ARID1B: variants seen among roughly 807,000 people sequenced by gnomAD.
ARID1B encodes AT-rich interaction domain 1B, also known as AT-rich interactive domain-containing protein 1B.
ARID1B carries 30 observed loss-of-function variants against 212.3 expected under a neutral mutation model. The ratio of observed to expected loss-of-function variants is 0.14; its 90% CI spans 0.11 to 0.19. ARID1B has a LOEUF of 0.19. Ranked by LOEUF, ARID1B falls within the 10% of genes least tolerant of loss-of-function variation. The pLI is 1.00. For synonymous variants in ARID1B, 1,402 were observed against 1,301.7 expected, an observed-to-expected ratio of 1.08 and a Z score of -1.66; for missense variants, 2,891 against 3,204.0, an observed-to-expected ratio of 0.90 and a Z score of 2.36.
intron 9 of ARID1B, chr6:157,168,774 C>T (rs1159425180): frequency 6.6e-6 from 1 of 152,190 alleles, no homozygotes; most frequent in African/African-American, 2.4e-5. Context: ...TTCGTTATTC[C>T]GTACAGAGGA....
intron 4 of ARID1B, among the ~76,000 whole-genome samples, chr6:157,074,663 A>G (rs1477769063): frequency 6.6e-6 from 1 of 152,208 alleles, no homozygotes; most frequent in Non-Finnish European, 1.5e-5. Flanking sequence ...CAAAGGTATT[A>G]CAGTGCAAAG....
intron 6 of ARID1B, among the ~76,000 whole-genome samples, chr6:157,128,677 A>G (rs145481045): frequency 1.2e-4 from 19 of 152,350 alleles, no homozygotes; most frequent in African/African-American, 4.6e-4. Context: ...CAGGAGCTGT[A>G]CCTGCCAGAT....
Position 157,189,637 on chromosome 6 carries a change from A to T in ARID1B, c.3920-5A>T. 1 of 1,598,904 alleles carries T rather than the reference A, an allele frequency of 6.3e-7. No individual in the cohort carries two copies. Among genetic ancestry groups the T allele is most frequent in the Non-Finnish European group, 8.5e-7 (1 of 1,176,652 alleles). On this transcript the variant is annotated splice_region_variant and splice_polypyrimidine_tract_variant and intron_variant, in intron 13 of 19. Coordinates refer to ENST00000636930, the MANE Select transcript of ARID1B (RefSeq NM_001374828.1). ...TCCTGTTTCTCTTGGTGCTGCTACT[A>T]TCAGCTAACTCGGGATCCTTGCAAG...
intron 5 of ARID1B, among the ~76,000 whole-genome samples, chr6:157,093,767 G>T (rs1172582844): frequency 6.6e-6 from 1 of 152,222 alleles, no homozygotes; most frequent in Non-Finnish European, 1.5e-5. Context: ...AAAGTAGCAT[G>T]TTGCACTTTG....
At chr6:157,104,919 A>G (rs1258504300) in intron 5 of ARID1B, among the ~76,000 whole-genome samples, 1 of 152,234 alleles carries the variant, frequency 6.6e-6, no homozygotes, top group Admixed American at 6.5e-5. Flanking sequence ...AAAACACTGA[A>G]AAAGAAAAGG....
chr6:156,787,841 G>A (rs753745776), intron 1 of ARID1B, among the ~76,000 whole-genome samples: 1 of 152,100 alleles, frequency 6.6e-6, no homozygotes, highest in Non-Finnish European at 1.5e-5. Flanking sequence ...TGGGCTTGGA[G>A]CTGGTCAGAC....
rs950310929 is a variant in ARID1B at position 157,025,927 on chromosome 6, AT to A, written c.2248-58720del. ...TGGCTGTAACATTGTGCTGGAATAG[AT>A]TTTTTTTTTTTTTTGAGGTGGAGTC... On this transcript the variant is annotated intron_variant, in intron 4 of 19. Transcript: ENST00000636930. 5.3e-3 allele frequency among the ~76,000 whole-genome samples: 773 copies of A among 145,496 alleles called. 1 individual carries two copies. Among genetic ancestry groups the A allele is most frequent in the Non-Finnish European group, 5.5e-3 (359 of 65,706 alleles).
At chr6:157,114,130 T>C (rs1787146024) in intron 6 of ARID1B, among the ~76,000 whole-genome samples, 1 of 152,226 alleles carries the variant, frequency 6.6e-6, no homozygotes, top group South Asian at 2.1e-4. Flanking sequence ...AACTTAACTT[T>C]GTTTATACTC....
At chr6:157,078,227 C>T (rs1009831372) in intron 4 of ARID1B, among the ~76,000 whole-genome samples, 2 of 152,124 alleles carry the variant, frequency 1.3e-5, no homozygotes, top group Admixed American at 6.5e-5. Context: ...AGCACTTAGA[C>T]GGCCCTTGAT....
intron 4 of ARID1B, among the ~76,000 whole-genome samples, chr6:157,011,598 G>A (rs539675412): frequency 1.3e-5 from 2 of 152,250 alleles, no homozygotes; most frequent in African/African-American, 2.4e-5. Flanking sequence ...TATGAACCAC[G>A]GTCCATGAAC....
intron 2 of ARID1B, among the ~76,000 whole-genome samples, chr6:156,845,078 G>C (rs1435918967): frequency 2.9e-5 from 1 of 34,892 alleles, no homozygotes; most frequent in South Asian, 7.9e-4. Flanking sequence ...CTCTGTCTCC[G>C]TAATTTAGGA....
At chr6:156,878,052 T>A (rs1786705265) in intron 2 of ARID1B, among the ~76,000 whole-genome samples, 2 of 152,040 alleles carry the variant, frequency 1.3e-5, no homozygotes, top group South Asian at 4.1e-4. Flanking sequence ...TTACGTAAGA[T>A]CTTTTGAAGG....
chr6:157,080,710 A>C (rs891109240), intron 4 of ARID1B, among the ~76,000 whole-genome samples: 2 of 152,236 alleles, frequency 1.3e-5, no homozygotes, highest in Non-Finnish European at 2.9e-5. Context: ...CATTCTAAGC[A>C]CAGTGAAATC....
At chr6:156,854,832 A>G (rs1195898394) in intron 2 of ARID1B, among the ~76,000 whole-genome samples, 1 of 152,244 alleles carries the variant, frequency 6.6e-6, no homozygotes, top group Non-Finnish European at 1.5e-5. Flanking sequence ...CAGCACATTA[A>G]CTGCTGTAAT....
chr6:157,027,051 A>G (rs186258388), intron 4 of ARID1B, among the ~76,000 whole-genome samples: 40 of 152,324 alleles, frequency 2.6e-4, no homozygotes, highest in African/African-American at 9.1e-4. Context: ...GGGAGATGAC[A>G]TGATTGGTGG....
chr6:156,828,337 T>C (rs1174347573), intron 1 of ARID1B, among the ~76,000 whole-genome samples: 5 of 152,130 alleles, frequency 3.3e-5, no homozygotes, highest in Non-Finnish European at 7.4e-5. Flanking sequence ...CTTACCTCAG[T>C]GTGAACGCAG....
chr6:157,083,401 A>G (rs1443525124), intron 4 of ARID1B, among the ~76,000 whole-genome samples: 2 of 152,182 alleles, frequency 1.3e-5, no homozygotes, highest in Non-Finnish European at 2.9e-5. Flanking sequence ...AGTCATTGCA[A>G]CGGGGATGCA....
At chr6:156,952,988 G>A (rs939000587) in intron 4 of ARID1B, among the ~76,000 whole-genome samples, 1 of 152,188 alleles carries the variant, frequency 6.6e-6, no homozygotes, top group East Asian at 1.9e-4. Flanking sequence ...AAAATTACTA[G>A]CTGGGCATTT....
intron 4 of ARID1B, among the ~76,000 whole-genome samples, chr6:156,972,548 A>G (rs1333610305): frequency 6.6e-6 from 1 of 152,230 alleles, no homozygotes; most frequent in Non-Finnish European, 1.5e-5. Flanking sequence ...ACATTTAGTA[A>G]GCATGTGAAC....
Sources: allele counts gnomAD v4.1 joint callset (sites outside exome capture counted in the v4.1 genomes callset), GRCh38; gene constraint gnomAD v4.1.1; transcripts MANE v1.5; gene names NCBI Gene and HGNC (gene_info 2026-07-23, HGNC 2026-07-21).